KALRN: variants seen among roughly 807,000 people sequenced by gnomAD.
The protein encoded by KALRN is kalirin.
KALRN carries 70 observed loss-of-function variants against 353.7 expected under a neutral mutation model. The observed-to-expected ratio is 0.20, with a 90% CI of 0.16 to 0.24. The LOEUF is 0.24. Among genes scored for constraint, KALRN ranks in the 10% least tolerant of loss-of-function variants. The pLI is 1.00. For missense variants in KALRN, 2,791 were observed against 3,756.7 expected (o/e 0.74, Z 6.72); for synonymous variants, 1,391 against 1,434.8 (o/e 0.97, Z 0.69).
At chr3:124,385,124 G>A (rs546378880) in intron 11 of KALRN, 88 bp downstream of exon 11, 146 of 1,114,426 alleles carry the variant, frequency 1.3e-4, no homozygotes, top group Middle Eastern at 4.2e-4. Context: ...TCTGACCAGG[G>A]TCCTGGGTAG....
At chr3:124,580,248 G>A (rs116358073) in intron 34 of KALRN, among the ~76,000 whole-genome samples, 6,631 of 152,090 alleles carry the variant, frequency 0.044, 176 homozygotes, top group Middle Eastern at 0.078. Context: ...GAGAACCACC[G>A]CACTGCACCA....
intron 1 of KALRN, among the ~76,000 whole-genome samples, chr3:124,072,999 C>A (rs2060089063): frequency 1.3e-5 from 2 of 152,208 alleles, no homozygotes; most frequent in Admixed American, 1.3e-4. Flanking sequence ...CTGCAGACTT[C>A]CCAAGCCTTG....
chr3:124,428,832 A>T (rs1261786139), intron 15 of KALRN, among the ~76,000 whole-genome samples: 1 of 152,214 alleles, frequency 6.6e-6, no homozygotes, highest in Non-Finnish European at 1.5e-5. Context: ...TGTTGGCTGA[A>T]ACTGGAGAGA....
At chr3:124,689,459 T>C (rs920366414) in intron 51 of KALRN, among the ~76,000 whole-genome samples, 2 of 152,148 alleles carry the variant, frequency 1.3e-5, no homozygotes, top group African/African-American at 4.8e-5. Flanking sequence ...TGCCTCAGCC[T>C]CCCAAAGTAC....
At chr3:124,223,611 A>G (rs2078159505) in intron 1 of KALRN, among the ~76,000 whole-genome samples, 1 of 152,246 alleles carries the variant, frequency 6.6e-6, no homozygotes. Flanking sequence ...CCAATGCTCT[A>G]TAAACGCCCA....
intron 29 of KALRN, among the ~76,000 whole-genome samples, chr3:124,490,121 T>C (rs1306840391): frequency 6.6e-6 from 1 of 152,120 alleles, no homozygotes; most frequent in Non-Finnish European, 1.5e-5. Flanking sequence ...TACCTGGGCA[T>C]GGTGGCATGT....
intron 33 of KALRN, among the ~76,000 whole-genome samples, chr3:124,500,583 A>C (rs1214197528): frequency 6.6e-6 from 1 of 152,250 alleles, no homozygotes; most frequent in East Asian, 1.9e-4. Context: ...TCTTAATCCT[A>C]CATTAAACAC....
intron 33 of KALRN, among the ~76,000 whole-genome samples, chr3:124,518,028 G>A (rs1167694909): frequency 6.6e-6 from 1 of 152,154 alleles, no homozygotes; most frequent in Non-Finnish European, 1.5e-5. Context: ...GACTACTCCT[G>A]CTTATGGGTC....
chr3:124,413,832 G>A (rs2092337252), intron 14 of KALRN, among the ~76,000 whole-genome samples, 167 bp downstream of exon 14: 1 of 152,184 alleles, frequency 6.6e-6, no homozygotes, highest in Non-Finnish European at 1.5e-5. Flanking sequence ...GAGGCCAGGT[G>A]TGGTGGTTCA....
chr3:124,605,029 G>T (rs1243458723), intron 34 of KALRN, among the ~76,000 whole-genome samples: 1 of 152,026 alleles, frequency 6.6e-6, no homozygotes, highest in South Asian at 2.1e-4. Flanking sequence ...CAGGCATGCT[G>T]GTGTGCACCT....
At chr3:124,567,363 G>A (rs967735572) in intron 34 of KALRN, among the ~76,000 whole-genome samples, 6 of 152,170 alleles carry the variant, frequency 3.9e-5, no homozygotes, top group Non-Finnish European at 8.8e-5. Context: ...TTGAGCTTCT[G>A]GGTAGTGCTA....
chr3:124,498,067 CTAAG>C (rs1234496979), intron 33 of KALRN, among the ~76,000 whole-genome samples: 1 of 152,202 alleles, frequency 6.6e-6, no homozygotes, highest in Non-Finnish European at 1.5e-5. Flanking sequence ...CTCAGAGAAA[CTAAG>C]TGAGTCACCC....
At chr3:124,704,973 T>C (rs1306284488) in intron 57 of KALRN, among the ~76,000 whole-genome samples, 1 of 152,204 alleles carries the variant, frequency 6.6e-6, no homozygotes, top group African/African-American at 2.4e-5. Flanking sequence ...GACTATTCTG[T>C]TAAAAGGAGT....
At chr3:124,584,052 C>A (rs1363086940) in intron 34 of KALRN, among the ~76,000 whole-genome samples, 1 of 151,858 alleles carries the variant, frequency 6.6e-6, no homozygotes, top group Non-Finnish European at 1.5e-5. Flanking sequence ...TATAGGAATT[C>A]TTTTACATTT....
chr3:124,048,778 C>G (rs976483176), intron 1 of KALRN, among the ~76,000 whole-genome samples: 1 of 152,200 alleles, frequency 6.6e-6, no homozygotes, highest in East Asian at 1.9e-4. Flanking sequence ...CCACCGCACC[C>G]GGCCACCTCA....
chr3:124,384,229 A>G (rs2087846343), intron 10 of KALRN, among the ~76,000 whole-genome samples: 1 of 151,746 alleles, frequency 6.6e-6, no homozygotes, highest in South Asian at 2.1e-4. Context: ...AAATCACCAG[A>G]CTCTTCCCCA....
intron 26 of KALRN, among the ~76,000 whole-genome samples, chr3:124,474,945 G>A (rs1474631809): frequency 6.6e-6 from 1 of 152,146 alleles, no homozygotes; most frequent in Non-Finnish European, 1.5e-5. Context: ...AAAATTGTGA[G>A]GTTGGAAGAG....
At chr3:124,577,953 C>G (rs1031021064) in intron 34 of KALRN, among the ~76,000 whole-genome samples, 1 of 152,230 alleles carries the variant, frequency 6.6e-6, no homozygotes, top group African/African-American at 2.4e-5. Context: ...ATTGTACCTC[C>G]TCTCTCTAAT....
intron 33 of KALRN, among the ~76,000 whole-genome samples, chr3:124,559,615 C>T (rs1374260107): frequency 3.3e-5 from 5 of 152,106 alleles, no homozygotes; most frequent in East Asian, 1.9e-4. Context: ...GAATGCATGC[C>T]GAGATTCTGT....
Sources: gnomAD v4.1 joint callset for allele counts (sites outside exome capture counted in the v4.1 genomes callset) on GRCh38, gnomAD v4.1.1 for gene constraint, MANE v1.5 for transcripts, NCBI Gene and HGNC (gene_info 2026-07-23, HGNC 2026-07-21) for gene names.